Variants in ZNF568 observed in about 807,000 individuals in gnomAD.
ZNF568 encodes the protein zinc finger protein 568, also known as p53 inhibitor of SCO2 activation.
In ZNF568, 11 loss-of-function variants were observed where a neutral mutation model predicts 18.1. That is an observed-to-expected ratio of 0.61 (90% CI 0.38 to 1.00). The LOEUF is 1.00. Among genes scored for constraint, ZNF568 ranks in the 50% least tolerant of loss-of-function variants. The pLI is 0.01. For missense variants in ZNF568, 639 were observed against 768.2 expected (o/e 0.83, Z 1.99); for synonymous variants, 213 against 246.6 (o/e 0.86, Z 1.28).
exon 8 of ZNF568, chr19:36,979,118 G>T: frequency 4.0e-6 from 1 of 247,576 alleles, no homozygotes. Flanking sequence ...CGAGTAGCTG[G>T]GATTACAGGC....
downstream of ZNF568, among the ~76,000 whole-genome samples, chr19:36,981,225 G>C (rs1410351394): frequency 6.6e-6 from 1 of 152,172 alleles, no homozygotes; most frequent in Non-Finnish European, 1.5e-5. Context: ...CCTAAAGACT[G>C]CTTTCTAGTA....
chr19:36,933,484 C>T (rs914237838), intron 4 of ZNF568, among the ~76,000 whole-genome samples: 6 of 151,938 alleles, frequency 3.9e-5, no homozygotes, highest in African/African-American at 1.4e-4. Context: ...TCTGCATTTA[C>T]GGAGATGATC....
chr19:36,986,959 A>G (rs751936537), intron 2 of ZNF568, among the ~76,000 whole-genome samples: 8 of 152,286 alleles, frequency 5.3e-5, no homozygotes, highest in Non-Finnish European at 8.8e-5. Context: ...CCAGCTGCAG[A>G]CTTGGTTATT....
At chr19:36,938,911 C>T (rs903253384) in intron 6 of ZNF568, among the ~76,000 whole-genome samples, 4 of 152,186 alleles carry the variant, frequency 2.6e-5, no homozygotes, top group African/African-American at 9.6e-5. Flanking sequence ...GATTTTTGTT[C>T]CTTGAAATGT....
chr19:36,964,800 C>G (rs1450210058), intron 6 of ZNF568, among the ~76,000 whole-genome samples: 1 of 152,044 alleles, frequency 6.6e-6, no homozygotes, highest in Non-Finnish European at 1.5e-5. Flanking sequence ...AGAATGAGAC[C>G]TTATCTCTTA....
At chr19:36,996,896 A>G in exon 5 of ZNF568, 1 of 1,538,350 alleles carries the variant, frequency 6.5e-7, no homozygotes, top group Non-Finnish European at 8.7e-7. Context: ...GAGTGTGGGA[A>G]AGCCTTTCCA....
At position 36,951,448 on chromosome 19, in the gene ZNF568, A is replaced by G. The variant is rs2074058338; in HGVS notation, c.*360A>G. ...GATATAAAGTTATAGTCATTTAAAA[A>G]TGTGTGATATTAGTACATTAGTAGG... On this transcript the variant is annotated 3_prime_UTR_variant, in exon 7 of 7. Coordinates refer to ENST00000333987, the MANE Select transcript of ZNF568 (RefSeq NM_198539.4). 6.2e-6 allele frequency: 1 copy of G among 160,322 alleles called. No individual in the cohort carries two copies. The highest frequency in any genetic ancestry group is 1.4e-5 in the Non-Finnish European group (1 of 73,860). The allele number at this position is 160,322 out of a possible 1,614,324, so 9.9% of individuals were successfully genotyped here.
chr19:36,922,650 TATC>T lies in ZNF568; in HGVS notation c.-118_-116del, dbSNP rs2073476622. On this transcript the variant is annotated 5_prime_UTR_variant, in exon 3 of 7. It adds an upstream start codon to the 5' untranslated region. Coordinates refer to ENST00000333987, the MANE Select transcript of ZNF568 (RefSeq NM_198539.4). The stretch of plus-strand genomic sequence containing the variant: ...ATAGAAGTCTGAGGAACAGGTGTCT[TATC>T]ATGGAAGGAGACCTGACCTGAGACC... The T allele has an allele frequency of 3.0e-5, 20 of 669,024 alleles. No individual in the cohort carries two copies. In the East Asian group the frequency reaches 5.4e-4, roughly 18 times the overall value. 41.4% of individuals were successfully genotyped at this position (669,024 alleles called of 1,614,324 possible). A position where few individuals can be genotyped will look rare whatever the true frequency, so the allele number is the denominator to read the frequency against.
At chr19:36,996,665 G>A in exon 5 of ZNF568, 1 of 1,535,320 alleles carries the variant, frequency 6.5e-7, no homozygotes, top group South Asian at 1.2e-5. Context: ...TTTAATAGTG[G>A]ATCAGACTTG....
chr19:36,945,823 G>C (rs902397417), intron 6 of ZNF568, among the ~76,000 whole-genome samples: 2 of 151,930 alleles, frequency 1.3e-5, no homozygotes, highest in African/African-American at 4.8e-5. Context: ...GCTGGGCGTG[G>C]TGTCTCATAC....
Position 36,949,904 on chromosome 19 carries a change from G to C in ZNF568, c.751G>C (p.Glu251Gln). 1 of 1,613,696 alleles carries C rather than the reference G, an allele frequency of 6.2e-7. No homozygotes were observed. The highest frequency in any genetic ancestry group is 8.5e-7 in the Non-Finnish European group (1 of 1,179,854). Residue 251 changes from glutamate to glutamine, a missense_variant, in exon 7 of 7, where the codon GAA becomes CAA. Glu to Gln is a conservative substitution (Grantham distance 29, BLOSUM62 2). Coordinates refer to ENST00000333987, the MANE Select transcript of ZNF568 (RefSeq NM_198539.4). ...AATTCATGCTGGAGAGAAACCTTAC[G>C]AATGTAAAGAATGTGGAAAAGCCTT... is the stretch of plus-strand genomic sequence containing the variant. ...ERIHAGEKPYECKECGKAFSR... is the reference protein window; with the variant it reads ...ERIHAGEKPYQCKECGKAFSR...
At chr19:36,930,975 G>C (rs2073677799) in intron 4 of ZNF568, among the ~76,000 whole-genome samples, 1 of 152,090 alleles carries the variant, frequency 6.6e-6, no homozygotes, top group Non-Finnish European at 1.5e-5. Context: ...TGTCTGTTCA[G>C]CCTTTCTGCT....
rs1179718538 is a variant in ZNF568, at chr19:36,950,794, G to T, written c.1641G>T (p.Glu547Asp). ...TCAGTCAGAGACAAAATCTTCTTGA[G>T]CATGAAAAAATTCATACTGGAGAGA... ...KAFSQRQNLL[E>D]HEKIHTGEKP... is the part of the protein sequence containing the mutation. Residue 547 changes from glutamate to aspartate, a missense_variant, in exon 7 of 7, where the codon GAG becomes GAT. Physicochemically the swap from Glu to Asp is conservative, Grantham distance 45. Transcript: ENST00000333987. The T allele has an allele frequency of 6.2e-7, 1 of 1,613,350 alleles. No individual in the cohort carries two copies. The highest frequency in any genetic ancestry group is 1.3e-5 in the African/African-American group (1 of 74,936).
intron 4 of ZNF568, among the ~76,000 whole-genome samples, chr19:36,995,054 A>C (rs1401255882): frequency 6.6e-6 from 1 of 151,766 alleles, no homozygotes; most frequent in Non-Finnish European, 1.5e-5. Flanking sequence ...TTTGCATGGT[A>C]TATCTTTTTC....
At chr19:36,948,420 AAT>A (rs1255023071) in intron 6 of ZNF568, among the ~76,000 whole-genome samples, 1 of 152,218 alleles carries the variant, frequency 6.6e-6, no homozygotes, top group Non-Finnish European at 1.5e-5. Flanking sequence ...AGCTGCTGTA[AAT>A]ATCCATGTGC....
At chr19:36,996,683 A>G (rs2074475164) in exon 5 of ZNF568, 2 of 1,535,906 alleles carry the variant, frequency 1.3e-6, no homozygotes, top group Non-Finnish European at 1.7e-6. Flanking sequence ...TTGATTAAGC[A>G]TCAGACGCTT....
At chr19:36,976,772 T>C (rs969235924) in intron 7 of ZNF568, among the ~76,000 whole-genome samples, 4 of 152,036 alleles carry the variant, frequency 2.6e-5, no homozygotes, top group Admixed American at 6.6e-5. Flanking sequence ...TAGCCAGATG[T>C]GGTGGCGCAT....
At chr19:36,929,763 G>A (rs1438641964) in intron 4 of ZNF568, among the ~76,000 whole-genome samples, 1 of 151,942 alleles carries the variant, frequency 6.6e-6, no homozygotes, top group Non-Finnish European at 1.5e-5. Context: ...TGAGGCAGGA[G>A]GATTGCTTGA....
downstream of ZNF568, among the ~76,000 whole-genome samples, chr19:36,954,486 A>G (rs1200600633): frequency 1.3e-5 from 2 of 152,158 alleles, no homozygotes; most frequent in East Asian, 3.9e-4. Context: ...AAATATCTAA[A>G]TGAGTATTAT....
Sources: gnomAD v4.1 joint callset for allele counts (sites outside exome capture counted in the v4.1 genomes callset) on GRCh38, gnomAD v4.1.1 for gene constraint, MANE v1.5 for transcripts, NCBI Gene and HGNC (gene_info 2026-07-23, HGNC 2026-07-21) for gene names.